The following CCDC150 variants were observed in gnomAD, a reference collection of about 807,000 sequenced individuals.
The protein encoded by CCDC150 is coiled-coil domain containing 150, also known as coiled-coil domain-containing protein 150.
In CCDC150, 151 loss-of-function variants were observed where a neutral mutation model predicts 156.5. The observed-to-expected ratio is 0.97, with a 90% CI of 0.85 to 1.10. CCDC150 has a LOEUF of 1.10. Among genes scored for constraint, CCDC150 ranks in the 50% least tolerant of loss-of-function variants. The pLI is 0.00. For missense variants in CCDC150, 1,312 were observed against 1,268.1 expected (o/e 1.03, Z -0.53); for synonymous variants, 452 against 429.4 (o/e 1.05, Z -0.65).
chr2:196,666,947 T>C lies in CCDC150; in HGVS notation c.892+99T>C, dbSNP rs1693883448. On this transcript the variant is annotated intron_variant, in intron 7 of 27. Coordinates refer to ENST00000389175, the MANE Select transcript of CCDC150 (RefSeq NM_001080539.2). ...AAATTCTTAAAGTGGCCAGTGTTAT[T>C]GGTATTTCCCACAGTGCTGTATGTA... 3 of 1,302,350 alleles carry C rather than the reference T, an allele frequency of 2.3e-6. No homozygotes were observed. The South Asian group carries it at 3.6e-5, about 16-fold the overall frequency. The allele number at this position is 1,302,350 out of a possible 1,614,324, so 80.7% of individuals were successfully genotyped here. A position where few individuals can be genotyped will look rare whatever the true frequency, so the allele number is the denominator to read the frequency against.
chr2:196,641,216 A>C (rs1045284958), intron 1 of CCDC150, among the ~76,000 whole-genome samples: 10 of 151,932 alleles, frequency 6.6e-5, no homozygotes, highest in Non-Finnish European at 1.5e-5. Flanking sequence ...TGACCTCTTG[A>C]TCTGCCCGCC....
chr2:196,729,796 A>ATTT lies in CCDC150; in HGVS notation c.2756_2757insTTT (p.Ile919_Glu920insLeu). On this transcript the variant is annotated inframe_insertion, in exon 24 of 28. Coordinates refer to ENST00000389175, the MANE Select transcript of CCDC150 (RefSeq NM_001080539.2). Reference sequence around the variant, plus strand: ...GTTATTTTCCAATTACTTTTAGCAAATAGAAAAAGAATTGAAGCAAATGGA... The same window carrying ATTT: ...GTTATTTTCCAATTACTTTTAGCAAATTTTAGAAAAAGAATTGAAGCAAATGGA... 2 of 1,560,476 alleles carry ATTT rather than the reference A, an allele frequency of 1.3e-6. No homozygotes were observed. Among genetic ancestry groups the ATTT allele is most frequent in the Non-Finnish European group, 1.8e-6 (2 of 1,141,682 alleles).
chr2:196,660,340 A>G (rs763002174), intron 5 of CCDC150, among the ~76,000 whole-genome samples: 25 of 152,198 alleles, frequency 1.6e-4, no homozygotes, highest in Admixed American at 1.6e-3. Flanking sequence ...CTAGGAGTGC[A>G]ATTGCTGGTT....
At position 196,712,249 on chromosome 2, in the gene CCDC150, T is replaced by C. The variant is rs1379968919; in HGVS notation, c.1800T>C (p.Ala600=). 6.8e-6 allele frequency: 10 copies of C among 1,479,374 alleles called. No homozygotes were observed. The highest frequency in any genetic ancestry group is 9.2e-6 in the Non-Finnish European group (10 of 1,090,934). 91.6% of individuals were successfully genotyped at this position (1,479,374 alleles called of 1,614,324 possible). A position where few individuals can be genotyped will look rare whatever the true frequency, so the allele number is the denominator to read the frequency against. The change falls in exon 16 of 28, where the codon GCT becomes GCC. Residue 600 remains alanine (A), a synonymous_variant. Coordinates refer to ENST00000389175, the MANE Select transcript of CCDC150 (RefSeq NM_001080539.2). ...ATAAGTATTTACAGACTAAATATGC[T>C]CAGGTGTGATTAATATCTACAAAAG... ...KMNKYLQTKY[A]QANSELSAKR... is the part of the protein sequence containing the mutation.
intron 8 of CCDC150, among the ~76,000 whole-genome samples, chr2:196,670,307 T>A (rs1040293113): frequency 6.6e-6 from 1 of 152,224 alleles, no homozygotes; most frequent in Non-Finnish European, 1.5e-5. Context: ...TGATTTTATA[T>A]CTTACTACAT....
intron 1 of CCDC150, among the ~76,000 whole-genome samples, chr2:196,641,983 A>G (rs1385197249): frequency 2.0e-5 from 3 of 152,170 alleles, no homozygotes; most frequent in South Asian, 4.1e-4. Flanking sequence ...TTTTCTTGCC[A>G]TGCTTTCCAT....
intron 13 of CCDC150, among the ~76,000 whole-genome samples, chr2:196,685,438 G>A (rs948502746): frequency 1.4e-4 from 21 of 152,206 alleles, no homozygotes; most frequent in African/African-American, 4.8e-4. Flanking sequence ...ATTACTCCAC[G>A]TTTTAGGTGA....
chr2:196,664,397 G>A (rs573465081), intron 5 of CCDC150, among the ~76,000 whole-genome samples: 10 of 152,322 alleles, frequency 6.6e-5, no homozygotes, highest in Admixed American at 6.5e-4. Flanking sequence ...AGAGAATTCA[G>A]AGAAACGCTT....
chr2:196,654,420 A>G (rs1454603825), intron 2 of CCDC150, among the ~76,000 whole-genome samples: 1 of 151,476 alleles, frequency 6.6e-6, no homozygotes, highest in Non-Finnish European at 1.5e-5. Flanking sequence ...TCCATAAGCT[A>G]TCTTCACTCC....
At chr2:196,652,085 C>T (rs1192797493) in intron 2 of CCDC150, among the ~76,000 whole-genome samples, 1 of 152,182 alleles carries the variant, frequency 6.6e-6, no homozygotes, top group African/African-American at 2.4e-5. Flanking sequence ...CCCACCAGGC[C>T]TTACCTCCAA....
At chr2:196,707,163 CTAT>C (rs1174863768) in intron 15 of CCDC150, among the ~76,000 whole-genome samples, 1 of 151,440 alleles carries the variant, frequency 6.6e-6, no homozygotes, top group African/African-American at 2.4e-5. Flanking sequence ...GGTTGGTAGG[CTAT>C]TATTGCCTCA....
intron 19 of CCDC150, 159 bp downstream of exon 19, chr2:196,719,825 A>G (rs1697774452): frequency 2.0e-6 from 1 of 502,500 alleles, no homozygotes; most frequent in Non-Finnish European, 3.4e-6. Flanking sequence ...AAAATTTAGA[A>G]TTAGAAATAA....
intron 5 of CCDC150, among the ~76,000 whole-genome samples, chr2:196,661,896 C>T (rs1693584401): frequency 6.6e-6 from 1 of 152,126 alleles, no homozygotes; most frequent in Non-Finnish European, 1.5e-5. Context: ...TGAATGCTTT[C>T]AAGCCTACAT....
intron 2 of CCDC150, among the ~76,000 whole-genome samples, chr2:196,654,329 G>T (rs1470001498): frequency 6.6e-6 from 1 of 151,162 alleles, no homozygotes; most frequent in African/African-American, 2.4e-5. Context: ...TTATTTCTTT[G>T]AATATGTTTT....
rs1328946867 is a variant in CCDC150, at chr2:196,712,666, T to A, written c.1804-11T>A. 3.1e-6 allele frequency: 5 copies of A among 1,603,598 alleles called. No individual in the cohort carries two copies. The highest frequency in any genetic ancestry group is 1.7e-4 in the Middle Eastern group (1 of 6,054). ...TGTGAGGAACAAGTATCTTTGTTTT[T>A]TGAATTAAAGGCAAACTCAGAACTC... On this transcript the variant is annotated splice_polypyrimidine_tract_variant and intron_variant, in intron 16 of 27. Transcript: ENST00000389175.
In CCDC150 at chr2:196,719,547, A is replaced by G. The variant is rs1252524766; in HGVS notation, c.2046A>G (p.Lys682=). 6.2e-7 allele frequency: 1 copy of G among 1,612,396 alleles called. No individual in the cohort carries two copies. The highest frequency in any genetic ancestry group is 8.5e-7 in the Non-Finnish European group (1 of 1,179,178). Residue 682 remains lysine, a synonymous_variant, in exon 19 of 28, where the codon AAA becomes AAG. Transcript: ENST00000389175. ...CAGAAGCTAAAGAAGACAACTGCAA[A>G]GTCACAATCATGTTGGAGAATGTGC... ...QLAEAKEDNC[K]VTIMLENVLA...
chr2:196,722,157 G>A (rs1037966606), intron 21 of CCDC150, among the ~76,000 whole-genome samples: 1 of 152,136 alleles, frequency 6.6e-6, no homozygotes, highest in African/African-American at 2.4e-5. Flanking sequence ...TCCAGTTCAG[G>A]TCAAATGACT....
At position 196,712,010 on chromosome 2, in the gene CCDC150, CTG is replaced by C. The variant is rs201561421; in HGVS notation, c.1696-133_1696-132del. On this transcript the variant is annotated intron_variant, in intron 15 of 27. Coordinates refer to ENST00000389175, the MANE Select transcript of CCDC150 (RefSeq NM_001080539.2). ...GCTTTTTGCAAGTTTTAAAGATTCT[CTG>C]TAATTTTTTTTTTTTTTTTTTTACA... 3,318 of 377,354 alleles carry C rather than the reference CTG, an allele frequency of 8.8e-3. 27 individuals are homozygous for C. The highest frequency in any genetic ancestry group is 0.022 in the Middle Eastern group (31 of 1,400). The allele number at this position is 377,354 out of a possible 1,614,324, so 23.4% of individuals were successfully genotyped here.
At chr2:196,670,141 ATAAACT>A (rs1323935226) in intron 8 of CCDC150, among the ~76,000 whole-genome samples, 1 of 152,198 alleles carries the variant, frequency 6.6e-6, no homozygotes, top group Non-Finnish European at 1.5e-5. Context: ...TTGTTATAAA[ATAAACT>A]TAATGAAATG....
Sources: allele counts gnomAD v4.1 joint callset (sites outside exome capture counted in the v4.1 genomes callset), GRCh38; gene constraint gnomAD v4.1.1; transcripts MANE v1.5; gene names NCBI Gene and HGNC (gene_info 2026-07-23, HGNC 2026-07-21).